RTN1: variants seen among roughly 807,000 people sequenced by gnomAD.
RTN1 encodes reticulon 1.
Under a neutral mutation model 65.5 loss-of-function variants are expected in RTN1, and 25 were observed. The ratio of observed to expected loss-of-function variants is 0.38; its 90% confidence interval spans 0.28 to 0.53. The LOEUF (loss-of-function observed/expected upper bound fraction) is 0.53. RTN1 is among the 20% of genes least tolerant of loss of function. The probability of loss-of-function intolerance (pLI) is 0.79; values close to 1 mark genes in which losing one functional copy is unlikely to be tolerated. For synonymous variants in RTN1, 471 were observed against 447.6 expected, an observed-to-expected ratio of 1.05 and a Z score of -0.66; for missense variants, 983 against 1,025.4, an observed-to-expected ratio of 0.96 and a Z score of 0.57.
chr14:59,859,646 C>T (rs970685564), intron 1 of RTN1, among the ~76,000 whole-genome samples: 1 of 152,074 alleles, frequency 6.6e-6, no homozygotes, highest in African/African-American at 2.4e-5. Context: ...CAGAAGAAGA[C>T]AGAAAAATGT....
At chr14:59,693,921 G>C (rs527823153) in intron 3 of RTN1, among the ~76,000 whole-genome samples, 1 of 152,320 alleles carries the variant, frequency 6.6e-6, no homozygotes, top group African/African-American at 2.4e-5. Flanking sequence ...AATAGGAAGT[G>C]AGCCTGCTGC....
chr14:59,704,506 C>G (rs1394264639), intron 3 of RTN1, among the ~76,000 whole-genome samples: 1 of 152,172 alleles, frequency 6.6e-6, no homozygotes, highest in Non-Finnish European at 1.5e-5. Context: ...AAATAGCAAG[C>G]TTTTGGAGCT....
intron 1 of RTN1, among the ~76,000 whole-genome samples, chr14:59,828,498 A>C (rs993532560): frequency 6.6e-6 from 1 of 152,204 alleles, no homozygotes; most frequent in Non-Finnish European, 1.5e-5. Context: ...CTGAAAGAAG[A>C]AATCGGTGGG....
At chr14:59,777,278 G>A (rs926932080) in intron 1 of RTN1, among the ~76,000 whole-genome samples, 6 of 152,156 alleles carry the variant, frequency 3.9e-5, no homozygotes, top group African/African-American at 1.4e-4. Context: ...ATCCCTGGGA[G>A]TCTGGTTGCT....
intron 1 of RTN1, among the ~76,000 whole-genome samples, chr14:59,837,237 T>C (rs1887228388): frequency 6.6e-6 from 1 of 152,108 alleles, no homozygotes; most frequent in Admixed American, 6.5e-5. Context: ...AAATAATTAG[T>C]AAATGGTGTT....
At chr14:59,811,135 C>T (rs1183568673) in intron 1 of RTN1, among the ~76,000 whole-genome samples, 1 of 152,104 alleles carries the variant, frequency 6.6e-6, no homozygotes, top group Non-Finnish European at 1.5e-5. Context: ...GGGTGAACCT[C>T]CTCAATCATT....
At chr14:59,750,083 A>C (rs1566713038) in intron 1 of RTN1, among the ~76,000 whole-genome samples, 1 of 45,100 alleles carries the variant, frequency 2.2e-5, no homozygotes, top group Non-Finnish European at 3.6e-5. Flanking sequence ...TATATATTAT[A>C]GACATATATA....
chr14:59,734,464 T>C (rs914787727), intron 2 of RTN1, among the ~76,000 whole-genome samples: 25 of 152,072 alleles, frequency 1.6e-4, no homozygotes, highest in African/African-American at 5.3e-4. Flanking sequence ...GTGGTAACCA[T>C]TGACAAAGAG....
At chr14:59,861,644 T>G (rs761679129) in intron 1 of RTN1, among the ~76,000 whole-genome samples, 1 of 152,220 alleles carries the variant, frequency 6.6e-6, no homozygotes, top group Admixed American at 6.5e-5. Flanking sequence ...TCTTTTCTGA[T>G]CAGTTCTAAT....
chr14:59,709,734 A>T (rs995522000), intron 3 of RTN1, among the ~76,000 whole-genome samples: 2 of 152,202 alleles, frequency 1.3e-5, no homozygotes, highest in African/African-American at 4.8e-5. Context: ...AATTGAAAGC[A>T]TATAACAAAA....
At chr14:59,718,417 C>T (rs73311558) in intron 3 of RTN1, among the ~76,000 whole-genome samples, 2,882 of 152,270 alleles carry the variant, frequency 0.019, 93 homozygotes, top group African/African-American at 0.066. Flanking sequence ...TTTTGATTCA[C>T]ATTTGGGATG....
chr14:59,831,932 C>A (rs1887132003), intron 1 of RTN1, among the ~76,000 whole-genome samples: 1 of 152,116 alleles, frequency 6.6e-6, no homozygotes, highest in Non-Finnish European at 1.5e-5. Context: ...GATCTCTCCA[C>A]ACTCTGGTAA....
chr14:59,732,810 T>TGA (rs973250998), intron 2 of RTN1, among the ~76,000 whole-genome samples: 2 of 152,204 alleles, frequency 1.3e-5, no homozygotes, highest in African/African-American at 4.8e-5. Context: ...TCCAGGGAGC[T>TGA]GAGCAGTGTC....
intron 3 of RTN1, among the ~76,000 whole-genome samples, chr14:59,654,713 C>T (rs1883088395): frequency 6.6e-6 from 1 of 152,018 alleles, no homozygotes; most frequent in Non-Finnish European, 1.5e-5. Flanking sequence ...ATACAATTAT[C>T]TCAATGCAGA....
intron 2 of RTN1, among the ~76,000 whole-genome samples, chr14:59,738,515 G>C (rs1308556565): frequency 6.6e-6 from 1 of 152,154 alleles, no homozygotes; most frequent in African/African-American, 2.4e-5. Flanking sequence ...ATGCTGGCAA[G>C]GTTGTGGAGA....
intron 1 of RTN1, among the ~76,000 whole-genome samples, chr14:59,856,596 A>G (rs1887613088): frequency 6.6e-6 from 1 of 152,140 alleles, no homozygotes; most frequent in African/African-American, 2.4e-5. Flanking sequence ...AACGCAGCAG[A>G]TCACCACTCC....
rs909080561 is a variant in RTN1, at chr14:59,846,463, C to A, written c.241+23927G>T. 6.6e-6 allele frequency among the ~76,000 whole-genome samples: 1 copy of A among 152,028 alleles called. No homozygotes were observed. The highest frequency in any genetic ancestry group is 6.6e-5 in the Admixed American group (1 of 15,260). On this transcript the variant is annotated intron_variant, in intron 1 of 8. Transcript: ENST00000267484. This position sits in a 1 kb window ranked among gnomAD's most constrained non-coding sequence, Gnocchi z 4.8. ...ACCACACACATCCACACTCATCTGT[C>A]ACTTTGTTCCTGAGGTCTCAGTATT...
chr14:59,857,907 C>T (rs984516719), intron 1 of RTN1, among the ~76,000 whole-genome samples: 1 of 152,180 alleles, frequency 6.6e-6, no homozygotes, highest in Non-Finnish European at 1.5e-5. Flanking sequence ...TTGCTCACTT[C>T]CTTGTCATCA....
intron 1 of RTN1, among the ~76,000 whole-genome samples, chr14:59,865,629 C>G (rs924838491): frequency 2.0e-5 from 3 of 152,114 alleles, no homozygotes; most frequent in Non-Finnish European, 4.4e-5. Context: ...TCTCTTTGCC[C>G]TCAAATATTA....
Sources: allele counts gnomAD v4.1 joint callset (sites outside exome capture counted in the v4.1 genomes callset), GRCh38; gene constraint gnomAD v4.1.1; non-coding constraint Gnocchi (gnomAD v3.1); transcripts MANE v1.5; gene names NCBI Gene and HGNC (gene_info 2026-07-23, HGNC 2026-07-21).